PLA2G6: variants seen among roughly 807,000 people sequenced by gnomAD.
PLA2G6 encodes the protein phospholipase A2 group VI.
Under a neutral mutation model 83.8 loss-of-function variants are expected in PLA2G6, and 62 were observed. That is an observed-to-expected ratio of 0.74 (90% confidence interval 0.60 to 0.91). PLA2G6 has a LOEUF of 0.91. Ranked by LOEUF, PLA2G6 falls within the 40% of genes least tolerant of loss-of-function variation. The pLI is 0.00. For missense variants in PLA2G6, 944 were observed against 1,102.0 expected (o/e 0.86, Z 2.03); for synonymous variants, 417 against 449.8 (o/e 0.93, Z 0.92).
At chr22:38,157,283 C>A (rs978034638) in intron 2 of PLA2G6, among the ~76,000 whole-genome samples, 8 of 151,910 alleles carry the variant, frequency 5.3e-5, no homozygotes, top group Non-Finnish European at 1.2e-4. Flanking sequence ...ATATTACAAC[C>A]AATATCACAG....
intron 2 of PLA2G6, chr22:38,146,078 C>A (rs559095066): frequency 1.5e-5 from 4 of 271,040 alleles, no homozygotes; most frequent in Middle Eastern, 1.4e-3. Context: ...TTTTGTCACC[C>A]AGGCTGGAGT....
chr22:38,132,229 C>T lies in PLA2G6; in HGVS notation c.1077+602G>A. On this transcript the variant is annotated intron_variant, in intron 7 of 16. Coordinates refer to ENST00000332509, the MANE Select transcript of PLA2G6 (RefSeq NM_003560.4). This position sits in a 1 kb window ranked among gnomAD's most constrained non-coding sequence, Gnocchi z 5.0. ...AACCAGACAGTAAGGGCTTTGAGGGCAGGAACTGTGTTCTATAATAAACCA... is the reference window on the plus strand; with the variant it reads ...AACCAGACAGTAAGGGCTTTGAGGGTAGGAACTGTGTTCTATAATAAACCA... 2.5e-6 allele frequency: 1 copy of T among 397,908 alleles called. No homozygotes were observed. Among genetic ancestry groups the T allele is most frequent in the Non-Finnish European group, 5.0e-6 (1 of 198,586 alleles). 24.6% of individuals were successfully genotyped at this position (397,908 alleles called of 1,614,324 possible).
intron 1 of PLA2G6, among the ~76,000 whole-genome samples, chr22:38,177,147 G>C (rs1419538684): frequency 3.3e-5 from 5 of 152,136 alleles, no homozygotes; most frequent in Non-Finnish European, 7.4e-5. Context: ...GTTGTGGTGG[G>C]GGATTGCCTG....
chr22:38,116,869 A>AC (rs2087236326), intron 12 of PLA2G6, among the ~76,000 whole-genome samples: 2 of 151,008 alleles, frequency 1.3e-5, no homozygotes, highest in South Asian at 2.1e-4. Context: ...AAAAAAAAAA[A>AC]AAAAAAACAG....
Position 38,116,090 on chromosome 22 carries a change from G to T in PLA2G6, c.1864C>A (p.Pro622Thr). 1 of 1,614,064 alleles carries T rather than the reference G, an allele frequency of 6.2e-7. No individual in the cohort carries two copies. The highest frequency in any genetic ancestry group is 8.5e-7 in the Non-Finnish European group (1 of 1,180,000). Residue 622 changes from proline (P) to threonine (T), a missense_variant, in exon 13 of 17, where the codon CCA becomes ACA. Transcript: ENST00000332509. ...TGGTTTAAACCTGAGGGCTGAGCTGGAGGCCTGAGGTTAACGTTCTGGTTG... is the reference window on the plus strand; with the variant it reads ...TGGTTTAAACCTGAGGGCTGAGCTGTAGGCCTGAGGTTAACGTTCTGGTTG... ...RFNQNVNLRP[P>T]AQPSDQLVWR...
rs752357997 is a variant in PLA2G6, at chr22:38,132,921, G to T, written c.987C>A (p.Arg329=). The T allele has an allele frequency of 7.1e-6, 11 of 1,558,232 alleles. No homozygotes were observed. The South Asian group carries it at 1.2e-4, about 17-fold the overall frequency. The change falls in exon 7 of 17, where the codon CGC becomes CGA. Residue 329 remains arginine (R), a synonymous_variant. Coordinates refer to ENST00000332509, the MANE Select transcript of PLA2G6 (RefSeq NM_003560.4). This position sits in a 1 kb window ranked among gnomAD's most constrained non-coding sequence, Gnocchi z 5.0. The part of the protein sequence containing the change: ...TALHVAVMRN[R]FDCAIVLLTH... ...TCAGCAGCACTATGGCACAGTCGAA[G>T]CGGTTGCGCATCACCGCCACGTGCA...
At chr22:38,116,296 G>T in intron 12 of PLA2G6, 85 bp from the exon 13 acceptor site, 1 of 1,463,348 alleles carries the variant, frequency 6.8e-7, no homozygotes, top group Non-Finnish European at 9.5e-7. Context: ...CCAGGGCCTT[G>T]GGTAGCAGAG....
intron 12 of PLA2G6, 101 bp from the exon 13 acceptor site, chr22:38,116,312 A>C: frequency 7.8e-7 from 1 of 1,289,478 alleles, no homozygotes; most frequent in Non-Finnish European, 1.1e-6. Context: ...CAGAGTGCCC[A>C]CTCCAACCTC....
rs758332232 is a variant in PLA2G6 at position 38,126,438 on chromosome 22, G to C, written c.1360C>G (p.Leu454Val). The change falls in exon 10 of 17, where the codon CTC becomes GTC. Residue 454 changes from leucine to valine, a missense_variant. By Grantham distance (32) the Leu-to-Val change is conservative. Transcript: ENST00000332509. ...TTCCGGGCCCGTGAGATGTGCATGA[G>C]ATCCTGTAGTTCTGTGAGGCACAGA... ...ISLNNLELQDLMHISRARKPA... is the reference protein window; with the variant it reads ...ISLNNLELQDVMHISRARKPA... The C allele has an allele frequency of 2.4e-5, 39 of 1,613,132 alleles. No homozygotes were observed. Among genetic ancestry groups the C allele is most frequent in the Middle Eastern group, 1.6e-4 (1 of 6,082 alleles).
intron 2 of PLA2G6, among the ~76,000 whole-genome samples, chr22:38,167,292 T>C (rs1212740737): frequency 2.0e-5 from 3 of 151,462 alleles, no homozygotes; most frequent in African/African-American, 7.3e-5. Context: ...ATAGCTTACG[T>C]GTAGCTAAGA....
intron 1 of PLA2G6, among the ~76,000 whole-genome samples, chr22:38,171,348 C>G (rs2090433279): frequency 6.6e-6 from 1 of 152,098 alleles, no homozygotes; most frequent in South Asian, 2.1e-4. Flanking sequence ...TCTCAGCCTC[C>G]TCCTTAAAAA....
chr22:38,160,406 G>C (rs2089963362), intron 2 of PLA2G6, among the ~76,000 whole-genome samples: 1 of 151,448 alleles, frequency 6.6e-6, no homozygotes, highest in African/African-American at 2.4e-5. Flanking sequence ...AAAAAAACTA[G>C]AAATAACCCA....
chr22:38,122,856 C>T (rs536679104), intron 11 of PLA2G6, among the ~76,000 whole-genome samples: 1 of 152,292 alleles, frequency 6.6e-6, no homozygotes, highest in African/African-American at 2.4e-5. Context: ...TTTCACACAG[C>T]CAGCTCTACC....
At position 38,123,326 on chromosome 22, in the gene PLA2G6, A is replaced by G; in HGVS notation, c.1428-68T>C. The G allele has an allele frequency of 1.3e-6, 2 of 1,481,482 alleles. No individual in the cohort carries two copies. Among genetic ancestry groups the G allele is most frequent in the South Asian group, 1.2e-5 (1 of 82,512 alleles). The allele number at this position is 1,481,482 out of a possible 1,614,324, so 91.8% of individuals were successfully genotyped here. A position where few individuals can be genotyped will look rare whatever the true frequency, so the allele number is the denominator to read the frequency against. On this transcript the variant is annotated intron_variant, in intron 10 of 16. Coordinates refer to ENST00000332509, the MANE Select transcript of PLA2G6 (RefSeq NM_003560.4). This position sits in a 1 kb window ranked among gnomAD's most constrained non-coding sequence, Gnocchi z 4.1. ...AGCCCAGTACTTTACATCCACCCTC[A>G]TAGCCCTTGTCCCCTGCAGCTGTGT...
chr22:38,176,580 C>T (rs955347100), intron 1 of PLA2G6, among the ~76,000 whole-genome samples: 3 of 152,220 alleles, frequency 2.0e-5, no homozygotes, highest in African/African-American at 4.8e-5. Flanking sequence ...AGGGTCCACT[C>T]AGAGTGCCAA....
In PLA2G6 at chr22:38,140,113, G is replaced by C. The variant is rs761933926; in HGVS notation, c.666C>G (p.Thr222=). 2.5e-6 allele frequency: 4 copies of C among 1,614,140 alleles called. No homozygotes were observed. In the South Asian group the frequency reaches 3.3e-5, roughly 13 times the overall value. ...GLNQVNNQGL[T]PLHLACQLGK... is the part of the protein sequence containing the mutation. The stretch of plus-strand genomic sequence containing the variant: ...CCAGCTGGCAGGCCAGGTGCAGCGG[G>C]GTCAGCCCTTGGTTATTCACCTGGT... Residue 222 remains threonine (T), a synonymous_variant, in exon 5 of 17, where the codon ACC becomes ACG. Coordinates refer to ENST00000332509, the MANE Select transcript of PLA2G6 (RefSeq NM_003560.4).
chr22:38,130,133 T>C (rs1433574034), intron 7 of PLA2G6: 1 of 207,886 alleles, frequency 4.8e-6, no homozygotes, highest in Non-Finnish European at 9.9e-6. Context: ...ACTGGCCACC[T>C]GGAACTGTGG....
intron 4 of PLA2G6, chr22:38,140,576 G>A (rs575291465): frequency 6.9e-5 from 17 of 247,486 alleles, no homozygotes; most frequent in Admixed American, 6.6e-4. Flanking sequence ...GGAAGGGGTC[G>A]ACCTGGCATG....
At chr22:38,141,724 G>A (rs957316106) in intron 4 of PLA2G6, 8 of 152,118 alleles carry the variant, frequency 5.3e-5, no homozygotes, top group African/African-American at 9.7e-5. Flanking sequence ...AATCAGCACC[G>A]GATAAAGGAC....
Sources: gnomAD v4.1 joint callset for allele counts (sites outside exome capture counted in the v4.1 genomes callset) on GRCh38, gnomAD v4.1.1 for gene constraint, Gnocchi (gnomAD v3.1) non-coding constraint, MANE v1.5 for transcripts, NCBI Gene and HGNC (gene_info 2026-07-23, HGNC 2026-07-21) for gene names.